RIN2: variants seen among roughly 807,000 people sequenced by gnomAD.
The protein encoded by RIN2 is Ras and Rab interactor 2.
Under a neutral mutation model 78.0 loss-of-function variants are expected in RIN2, and 36 were observed. The ratio of observed to expected loss-of-function variants is 0.46; its 90% CI spans 0.35 to 0.61. RIN2 has a LOEUF of 0.61. Ranked by LOEUF, RIN2 falls within the 20% of genes least tolerant of loss-of-function variation. RIN2 has a pLI of 0.00. For synonymous variants in RIN2, 466 were observed against 466.8 expected (o/e 1.00, Z 0.02); for missense variants, 1,087 against 1,159.7 (o/e 0.94, Z 0.91).
Position 19,935,209 on chromosome 20 carries a change from G to A in RIN2, c.158+10G>A, listed in dbSNP as rs1188092362. The A allele has an allele frequency of 6.3e-7, 1 of 1,586,778 alleles. No individual in the cohort carries two copies. Among genetic ancestry groups the A allele is most frequent in the Non-Finnish European group, 8.6e-7 (1 of 1,166,104 alleles). On this transcript the variant is annotated intron_variant, in intron 4 of 12. Coordinates refer to ENST00000255006, the MANE Select transcript of RIN2 (RefSeq NM_018993.4). ...CCGCTGAAACCCACAGGTGACCAGA[G>A]ACACGGTTAGGTGATGGGTGCGAGA...
intron 2 of RIN2, among the ~76,000 whole-genome samples, chr20:19,801,859 T>C (rs117939782): frequency 2.0e-5 from 3 of 152,326 alleles, no homozygotes; most frequent in Non-Finnish European, 2.9e-5. Flanking sequence ...TGAAGTCTTA[T>C]CATGATGTTG....
At chr20:19,862,805 T>C (rs1023168857) in intron 2 of RIN2, among the ~76,000 whole-genome samples, 3 of 152,240 alleles carry the variant, frequency 2.0e-5, no homozygotes, top group Admixed American at 2.0e-4. Context: ...GTGTTCCCAG[T>C]GCTTGGGAGC....
chr20:19,764,916 GCGTTTTTTTTT>G (rs1193670536), intron 1 of RIN2, among the ~76,000 whole-genome samples: 1 of 35,346 alleles, frequency 2.8e-5, no homozygotes, highest in Non-Finnish European at 6.8e-5. Context: ...TTCACTTTCT[GCGTTTTTTTTT>G]TTTTTTTTTT....
chr20:19,866,660 T>C (rs557429393), intron 2 of RIN2, among the ~76,000 whole-genome samples: 13 of 152,354 alleles, frequency 8.5e-5, no homozygotes, highest in Admixed American at 3.9e-4. Flanking sequence ...AGTCTTCCTG[T>C]GTCACCCAGG....
intron 2 of RIN2, among the ~76,000 whole-genome samples, chr20:19,834,421 G>A (rs1031651310): frequency 7.2e-5 from 11 of 152,116 alleles, no homozygotes; most frequent in African/African-American, 2.7e-4. Flanking sequence ...GCACAGGAAG[G>A]ACAAATGGCC....
At chr20:19,889,880 G>A (rs931707201) in intron 3 of RIN2, among the ~76,000 whole-genome samples, 1 of 152,182 alleles carries the variant, frequency 6.6e-6, no homozygotes, top group African/African-American at 2.4e-5. Flanking sequence ...GGCACGGAGA[G>A]GGGCCGTGCT....
intron 1 of RIN2, among the ~76,000 whole-genome samples, chr20:19,772,918 G>A (rs1411812170): frequency 1.3e-5 from 2 of 152,130 alleles, no homozygotes; most frequent in African/African-American, 4.8e-5. Flanking sequence ...ATAACCTCAG[G>A]GTGTCCCTGT....
At chr20:19,905,091 C>T (rs1268714437) in intron 3 of RIN2, among the ~76,000 whole-genome samples, 3 of 152,138 alleles carry the variant, frequency 2.0e-5, no homozygotes, top group African/African-American at 7.2e-5. Flanking sequence ...TGTCCCGTTC[C>T]CACTTTCTGG....
intron 4 of RIN2, among the ~76,000 whole-genome samples, chr20:19,938,905 T>G (rs1398470694): frequency 6.6e-6 from 1 of 152,202 alleles, no homozygotes; most frequent in Non-Finnish European, 1.5e-5. Flanking sequence ...AAGTGTTCCT[T>G]CATAGGTTCA....
At chr20:19,996,526 G>A (rs2042972703) in intron 11 of RIN2, among the ~76,000 whole-genome samples, 153 bp from the exon 12 acceptor site, 1 of 152,182 alleles carries the variant, frequency 6.6e-6, no homozygotes, top group Non-Finnish European at 1.5e-5. Flanking sequence ...TGAGTGCCAT[G>A]CTCTTGGGTG....
chr20:19,892,448 T>C (rs2038519725), intron 3 of RIN2, among the ~76,000 whole-genome samples: 1 of 152,146 alleles, frequency 6.6e-6, no homozygotes, highest in South Asian at 2.1e-4. Context: ...ACTCCTGACC[T>C]CGTGATCCAC....
intron 2 of RIN2, among the ~76,000 whole-genome samples, chr20:19,851,053 AAAGAAAGG>A (rs1414609589): frequency 5.6e-5 from 2 of 35,532 alleles, no homozygotes; most frequent in African/African-American, 1.1e-4. Context: ...AAGGAAGGAG[AAAGAAAGG>A]AAGGAAGGAA....
At chr20:19,893,630 T>G (rs1260348719) in intron 3 of RIN2, among the ~76,000 whole-genome samples, 2 of 152,190 alleles carry the variant, frequency 1.3e-5, no homozygotes, top group African/African-American at 4.8e-5. Context: ...CTGGGATCAC[T>G]GAGATGCCCT....
rs867062960 is a variant in RIN2, at chr20:19,889,569, TC to T, written c.-29del. Reference sequence around the variant, plus strand: ...TTAAAAATGTCTCTACCTTCAGGAGTCCCCGGCGTGCAGTGGAGCCTCGCTG... The same window carrying T: ...TTAAAAATGTCTCTACCTTCAGGAGTCCCGGCGTGCAGTGGAGCCTCGCTG... On this transcript the variant is annotated 5_prime_UTR_variant, in exon 3 of 13. Coordinates refer to ENST00000255006, the MANE Select transcript of RIN2 (RefSeq NM_018993.4). 1.3e-6 allele frequency: 2 copies of T among 1,547,490 alleles called. No individual in the cohort carries two copies. The highest frequency in any genetic ancestry group is 8.7e-7 in the Non-Finnish European group (1 of 1,144,530).
chr20:19,870,885 T>A (rs2037671772), intron 2 of RIN2, among the ~76,000 whole-genome samples: 1 of 152,166 alleles, frequency 6.6e-6, no homozygotes, highest in Admixed American at 6.5e-5. Flanking sequence ...CTGCCTTCGT[T>A]TGGGATGCTG....
rs776422066 is a variant in RIN2, at chr20:19,975,510, C to T, written c.1485C>T (p.Ser495=). Residue 495 remains serine (S), a synonymous_variant, in exon 9 of 13, where the codon TCC becomes TCT. Coordinates refer to ENST00000255006, the MANE Select transcript of RIN2 (RefSeq NM_018993.4). The surrounding 1 kb of genome is among the most constrained non-coding windows in gnomAD (Gnocchi z 4.9). ...SSFVLPKLVK[S]QLQKVSGVFS... is the part of the protein sequence containing the mutation. ...TCGTGCTGCCCAAGCTCGTCAAGTCCCAGCTGCAGAAGGTGAGCGGGGTGT... is the reference window on the plus strand; with the variant it reads ...TCGTGCTGCCCAAGCTCGTCAAGTCTCAGCTGCAGAAGGTGAGCGGGGTGT... The T allele has an allele frequency of 3.7e-6, 6 of 1,613,900 alleles. No individual in the cohort carries two copies. The Admixed American group carries it at 5.0e-5, about 13-fold the overall frequency.
rs1228712462 is a variant in RIN2 at position 19,975,571 on chromosome 20, C to G, written c.1546C>G (p.Arg516Gly). Residue 516 changes from arginine (R) to glycine (G), a missense_variant, in exon 9 of 13, where the codon CGC (arginine) becomes GGC (glycine). Arg to Gly is a moderately radical substitution (Grantham distance 125). Transcript: ENST00000255006. The surrounding 1 kb of genome is among the most constrained non-coding windows in gnomAD (Gnocchi z 4.9). ...CATGACCCCGGAGAAGCGGATGGTC[C>G]GCAGGATCGCCGAGCTTTCCCGGGA... ...SFMTPEKRMV[R>G]RIAELSRDKC... is the part of the protein sequence containing the mutation. The G allele has an allele frequency of 1.4e-5, 22 of 1,613,862 alleles. No homozygotes were observed. Among genetic ancestry groups the G allele is most frequent in the Non-Finnish European group, 1.6e-5 (19 of 1,179,902 alleles).
chr20:19,841,244 G>A (rs78846489), intron 2 of RIN2, among the ~76,000 whole-genome samples: 14 of 151,890 alleles, frequency 9.2e-5, no homozygotes, highest in East Asian at 3.9e-4. Flanking sequence ...ATCCTTAGCC[G>A]AGTGAGGTGG....
intron 1 of RIN2, among the ~76,000 whole-genome samples, chr20:19,796,236 C>T (rs1163841511): frequency 6.6e-6 from 1 of 152,084 alleles, no homozygotes; most frequent in East Asian, 1.9e-4. Flanking sequence ...TCAAAATGGG[C>T]CTCTATATGG....
Sources: gnomAD v4.1 joint callset for allele counts (sites outside exome capture counted in the v4.1 genomes callset) on GRCh38, gnomAD v4.1.1 for gene constraint, Gnocchi (gnomAD v3.1) non-coding constraint, MANE v1.5 for transcripts, NCBI Gene and HGNC (gene_info 2026-07-23, HGNC 2026-07-21) for gene names.